The following KIRREL3 variants were observed in gnomAD, a reference collection of about 807,000 sequenced individuals.
KIRREL3 encodes kirre like nephrin family adhesion molecule 3.
In KIRREL3, 36 loss-of-function variants were observed where a neutral mutation model predicts 89.7. The ratio of observed to expected loss-of-function variants is 0.40; its 90% CI spans 0.31 to 0.53. The LOEUF is 0.53. KIRREL3 is among the 20% of genes least tolerant of loss of function. The probability of loss-of-function intolerance (pLI) is 0.49; values close to 1 mark genes in which losing one functional copy is unlikely to be tolerated. For synonymous variants in KIRREL3, 445 were observed against 441.4 expected (o/e 1.01, Z -0.10); for missense variants, 864 against 1,056.6 (o/e 0.82, Z 2.53).
At chr11:126,914,883 C>G (rs972760280) in intron 1 of KIRREL3, among the ~76,000 whole-genome samples, 7 of 152,142 alleles carry the variant, frequency 4.6e-5, no homozygotes, top group Non-Finnish European at 1.0e-4. Flanking sequence ...AAAAGTAGCA[C>G]AAGATTAGAC....
At chr11:126,894,100 G>A (rs1946039790) in intron 1 of KIRREL3, among the ~76,000 whole-genome samples, 1 of 152,220 alleles carries the variant, frequency 6.6e-6, no homozygotes, top group Non-Finnish European at 1.5e-5. Flanking sequence ...ACCTCGTCCT[G>A]TTGGGGTGGC....
chr11:126,890,890 A>G lies in KIRREL3; in HGVS notation c.55+109565T>C, dbSNP rs991923065. Among the ~76,000 whole-genome samples, 6 of 152,010 alleles carry G rather than the reference A, an allele frequency of 3.9e-5. No individual in the cohort carries two copies. Among genetic ancestry groups the G allele is most frequent in the Non-Finnish European group, 7.4e-5 (5 of 67,990 alleles). The stretch of plus-strand genomic sequence containing the variant: ...TTCCAAAACACAATCCCTTCTTTCA[A>G]CCTGAGCCTCAGCTCCCTGATATGT... On this transcript the variant is annotated intron_variant, in intron 1 of 16. Transcript: ENST00000525144. This position sits in a 1 kb window ranked among gnomAD's most constrained non-coding sequence, Gnocchi z 5.1.
Position 126,555,492 on chromosome 11 carries a change from G to A in KIRREL3, c.133+7343C>T, listed in dbSNP as rs1386336617. 6.6e-6 allele frequency among the ~76,000 whole-genome samples: 1 copy of A among 152,162 alleles called. No homozygotes were observed. Among genetic ancestry groups the A allele is most frequent in the Non-Finnish European group, 1.5e-5 (1 of 68,032 alleles). Reference sequence around the variant, plus strand: ...GGTCAGTGGAGGCATCACTGGAGCAGAGACTTGAGCTGTGATTTGAAGGAT... The same window carrying A: ...GGTCAGTGGAGGCATCACTGGAGCAAAGACTTGAGCTGTGATTTGAAGGAT... On this transcript the variant is annotated intron_variant, in intron 2 of 16. Transcript: ENST00000525144. This position sits in a 1 kb window ranked among gnomAD's most constrained non-coding sequence, Gnocchi z 4.2.
At chr11:126,901,497 C>T (rs982310299) in intron 1 of KIRREL3, among the ~76,000 whole-genome samples, 2 of 152,110 alleles carry the variant, frequency 1.3e-5, no homozygotes, top group African/African-American at 4.8e-5. Flanking sequence ...TGTGAAGAGT[C>T]AGAGGGAGCA....
Position 126,788,698 on chromosome 11 carries a change from CCCTACAATTGCTATCAAAGGA to C in KIRREL3, c.55+211736_55+211756del, listed in dbSNP as rs1184996962. On this transcript the variant is annotated intron_variant, in intron 1 of 16. Transcript: ENST00000525144. The surrounding 1 kb of genome is among the most constrained non-coding windows in gnomAD (Gnocchi z 4.1). ...TCCTCCACATTATAGACCACAAAGG[CCCTACAATTGCTATCAAAGGA>C]ACTGATTGTTTTGATCTGGAAGCCG... Among the ~76,000 whole-genome samples, 2 of 152,264 alleles carry C rather than the reference CCCTACAATTGCTATCAAAGGA, an allele frequency of 1.3e-5. No individual in the cohort carries two copies. The highest frequency in any genetic ancestry group is 3.9e-4 in the East Asian group (2 of 5,178).
chr11:126,721,015 C>G (rs1412960287), intron 1 of KIRREL3, among the ~76,000 whole-genome samples: 2 of 152,170 alleles, frequency 1.3e-5, no homozygotes, highest in Non-Finnish European at 2.9e-5. Flanking sequence ...GCTAATTGGG[C>G]ACCAGCCGAG....
chr11:126,835,810 T>G (rs1943762444), intron 1 of KIRREL3, among the ~76,000 whole-genome samples: 2 of 152,178 alleles, frequency 1.3e-5, no homozygotes, highest in South Asian at 4.2e-4. Context: ...GGTTCACACT[T>G]GGATAGTCTA....
intron 1 of KIRREL3, among the ~76,000 whole-genome samples, chr11:126,922,117 GTCTGTCTATCTA>G (rs1200728849): frequency 1.6e-3 from 197 of 122,658 alleles, no homozygotes; most frequent in African/African-American, 3.2e-3. Flanking sequence ...CTATCTATCT[GTCTGTCTATCTA>G]TCTATCTATC....
rs1424547648 is a variant in KIRREL3 at position 126,704,185 on chromosome 11, A to G, written c.56-141273T>C. ...CTTGCACACACCCACACATTTGCAC[A>G]TGCCCATCCAGCTGAGCAACATGTA... On this transcript the variant is annotated intron_variant, in intron 1 of 16. Coordinates refer to ENST00000525144, the MANE Select transcript of KIRREL3 (RefSeq NM_032531.4). This position sits in a 1 kb window ranked among gnomAD's most constrained non-coding sequence, Gnocchi z 4.2. Among the ~76,000 whole-genome samples, 3 of 152,340 alleles carry G rather than the reference A, an allele frequency of 2.0e-5. No homozygotes were observed. The East Asian group carries it at 5.8e-4, about 29-fold the overall frequency.
chr11:126,532,701 A>T (rs1958981366), intron 2 of KIRREL3, among the ~76,000 whole-genome samples: 1 of 152,068 alleles, frequency 6.6e-6, no homozygotes. Context: ...GAGGTAGAAG[A>T]TCTTTAGAAT....
intron 1 of KIRREL3, among the ~76,000 whole-genome samples, chr11:126,799,456 G>GTGTGTATGTGTGTACCTGTAGGCA (rs1565741982): frequency 1.8e-4 from 21 of 113,844 alleles, no homozygotes; most frequent in African/African-American, 6.1e-4. Flanking sequence ...ATGCATCTCT[G>GTGTGTATGTGTGTACCTGTAGGCA]TGTGCATGTG....
intron 4 of KIRREL3, among the ~76,000 whole-genome samples, chr11:126,482,711 G>T (rs950286384): frequency 3.3e-5 from 5 of 152,172 alleles, no homozygotes; most frequent in Non-Finnish European, 7.4e-5. Flanking sequence ...GCTTTGCCCT[G>T]CTGGGAGCTG....
intron 1 of KIRREL3, among the ~76,000 whole-genome samples, chr11:126,866,828 C>T (rs1327797516): frequency 6.6e-6 from 1 of 152,172 alleles, no homozygotes; most frequent in Non-Finnish European, 1.5e-5. Context: ...TGGCCTGACT[C>T]CAGGGAAGAC....
At position 126,528,147 on chromosome 11, in the gene KIRREL3, T is replaced by A. The variant is rs550782239; in HGVS notation, c.134-1460A>T. On this transcript the variant is annotated intron_variant, in intron 2 of 16. Coordinates refer to ENST00000525144, the MANE Select transcript of KIRREL3 (RefSeq NM_032531.4). The surrounding 1 kb of genome is among the most constrained non-coding windows in gnomAD (Gnocchi z 4.6). Reference sequence around the variant, plus strand: ...ATCTGCATTCCAAGCCCTCCCTTTTTCCTACCTCCTGCTCTACAGACCCAG... The same window carrying A: ...ATCTGCATTCCAAGCCCTCCCTTTTACCTACCTCCTGCTCTACAGACCCAG... 6.6e-6 allele frequency among the ~76,000 whole-genome samples: 1 copy of A among 152,298 alleles called. No individual in the cohort carries two copies. The highest frequency in any genetic ancestry group is 1.5e-5 in the Non-Finnish European group (1 of 68,018).
At chr11:126,835,197 C>G (rs1943738594) in intron 1 of KIRREL3, among the ~76,000 whole-genome samples, 1 of 152,198 alleles carries the variant, frequency 6.6e-6, no homozygotes, top group African/African-American at 2.4e-5. Flanking sequence ...GGCTCTATAC[C>G]TCCCAGGGCT....
intron 1 of KIRREL3, among the ~76,000 whole-genome samples, chr11:126,885,422 T>G (rs924677041): frequency 6.6e-6 from 1 of 152,200 alleles, no homozygotes; most frequent in Admixed American, 6.5e-5. Flanking sequence ...TTCAGGCGTA[T>G]GTTTATCAAA....
Position 126,521,347 on chromosome 11 carries a change from A to C in KIRREL3, c.401T>G (p.Ile134Ser). The C allele has an allele frequency of 6.4e-7, 1 of 1,553,536 alleles. No individual in the cohort carries two copies. The highest frequency in any genetic ancestry group is 8.7e-7 in the Non-Finnish European group (1 of 1,148,118). ...VYECQAIQAA[I>S]RSRPARLTVL... is the part of the protein sequence containing the mutation. ...TGTGAGGCGTGCGGGGCGGGAGCGG[A>C]TGGCGGCCTGGATGGCCTGGCACTC... Residue 134 changes from isoleucine (I) to serine (S), a missense_variant, in exon 4 of 17, where the codon ATC becomes AGC. Transcript: ENST00000525144. The surrounding 1 kb of genome is among the most constrained non-coding windows in gnomAD (Gnocchi z 4.1).
Position 126,710,668 on chromosome 11 carries a change from T to C in KIRREL3, c.56-147756A>G, listed in dbSNP as rs1309028588. ...TCATCCCACTTGGACTCAGAGTCCCTGGTGCCCCGAAGGAAAGCAAATCAG... is the reference window on the plus strand; with the variant it reads ...TCATCCCACTTGGACTCAGAGTCCCCGGTGCCCCGAAGGAAAGCAAATCAG... On this transcript the variant is annotated intron_variant, in intron 1 of 16. Transcript: ENST00000525144. This position sits in a 1 kb window ranked among gnomAD's most constrained non-coding sequence, Gnocchi z 4.2. Among the ~76,000 whole-genome samples the C allele has an allele frequency of 6.6e-6, 1 of 152,124 alleles. No individual in the cohort carries two copies. Among genetic ancestry groups the C allele is most frequent in the African/African-American group, 2.4e-5 (1 of 41,424 alleles).
rs184382888 is a variant in KIRREL3 at position 126,490,922 on chromosome 11, G to T, written c.434-17456C>A. On this transcript the variant is annotated intron_variant, in intron 4 of 16. Coordinates refer to ENST00000525144, the MANE Select transcript of KIRREL3 (RefSeq NM_032531.4). This position sits in a 1 kb window ranked among gnomAD's most constrained non-coding sequence, Gnocchi z 4.2. ...TCATTTGCTCTTAAGGGTGCAGGGG[G>T]TCCACAAATGCCTGAGGATCCACAG... Among the ~76,000 whole-genome samples the T allele has an allele frequency of 9.2e-5, 14 of 152,296 alleles. No individual in the cohort carries two copies. In the East Asian group the frequency reaches 2.1e-3, roughly 23 times the overall value.
Sources: gnomAD v4.1 joint callset for allele counts (sites outside exome capture counted in the v4.1 genomes callset) on GRCh38, gnomAD v4.1.1 for gene constraint, Gnocchi (gnomAD v3.1) non-coding constraint, MANE v1.5 for transcripts, NCBI Gene and HGNC (gene_info 2026-07-23, HGNC 2026-07-21) for gene names.